The following SLC25A36 variants were observed in gnomAD, a reference collection of about 807,000 sequenced individuals.
SLC25A36 encodes epididymis secretory sperm binding protein.
SLC25A36 carries 24 observed loss-of-function variants against 35.3 expected under a neutral mutation model. The observed-to-expected ratio is 0.68, with a 90% CI of 0.49 to 0.96. The LOEUF (loss-of-function observed/expected upper bound fraction) is 0.96. SLC25A36 is among the 40% of genes least tolerant of loss of function. The probability of loss-of-function intolerance (pLI) is 0.00; values close to 1 mark genes in which losing one functional copy is unlikely to be tolerated. For missense variants in SLC25A36, 294 were observed against 381.1 expected (o/e 0.77, Z 1.90); for synonymous variants, 141 against 132.2 (o/e 1.07, Z -0.46).
chr3:140,947,547 A>G (rs900208285), intron 1 of SLC25A36, among the ~76,000 whole-genome samples: 15 of 152,194 alleles, frequency 9.9e-5, no homozygotes, highest in African/African-American at 3.4e-4. Context: ...ACGAAAACCA[A>G]AAAACACTCT....
At chr3:140,956,171 A>G (rs948317669) in intron 1 of SLC25A36, among the ~76,000 whole-genome samples, 3 of 152,204 alleles carry the variant, frequency 2.0e-5, no homozygotes, top group East Asian at 1.9e-4. Context: ...CTAGATTTTA[A>G]CAGAGCCACA....
rs766884725 is a variant in SLC25A36, at chr3:140,980,196, CTT to C, written c.*3746_*3747del. ...TGCATATCTTCCACAGGTTTATTGA[CTT>C]TTATCCAACACTTTTCATGTTTTAA... is the stretch of plus-strand genomic sequence containing the variant. On this transcript the variant is annotated 3_prime_UTR_variant, in exon 7 of 7. Coordinates refer to ENST00000324194, the MANE Select transcript of SLC25A36 (RefSeq NM_001104647.3). Among the ~76,000 whole-genome samples, 1 of 152,120 alleles carries C rather than the reference CTT, an allele frequency of 6.6e-6. No homozygotes were observed. The highest frequency in any genetic ancestry group is 2.4e-5 in the African/African-American group (1 of 41,414).
chr3:140,952,020 T>TC (rs1491464129), intron 1 of SLC25A36, among the ~76,000 whole-genome samples: 1 of 91,852 alleles, frequency 1.1e-5, no homozygotes, highest in Non-Finnish European at 2.0e-5. Flanking sequence ...TCTTTCTCTC[T>TC]TTTTTTTTTT....
chr3:140,969,762 A>G (rs964565018), intron 4 of SLC25A36, among the ~76,000 whole-genome samples: 2 of 151,928 alleles, frequency 1.3e-5, no homozygotes, highest in African/African-American at 4.8e-5. Flanking sequence ...ATTAATTTAA[A>G]AACAAATTAT....
At chr3:140,962,086 C>T (rs1370009636) in intron 3 of SLC25A36, among the ~76,000 whole-genome samples, 1 of 151,824 alleles carries the variant, frequency 6.6e-6, no homozygotes, top group Non-Finnish European at 1.5e-5. Flanking sequence ...ATTTCATGGC[C>T]ATTTTCTCAT....
At chr3:140,946,072 G>T (rs1305451462) in intron 1 of SLC25A36, among the ~76,000 whole-genome samples, 1 of 152,096 alleles carries the variant, frequency 6.6e-6, no homozygotes, top group Non-Finnish European at 1.5e-5. Context: ...CCTACCACTT[G>T]TCTGGTTGTA....
intron 1 of SLC25A36, among the ~76,000 whole-genome samples, chr3:140,952,349 CTG>C (rs930908366): frequency 2.0e-5 from 3 of 152,078 alleles, no homozygotes; most frequent in Admixed American, 2.0e-4. Context: ...GACAGAGTCA[CTG>C]TGTTGCTTAG....
chr3:140,942,979 G>GTGT (rs1220353910), intron 1 of SLC25A36, among the ~76,000 whole-genome samples: 1 of 152,166 alleles, frequency 6.6e-6, no homozygotes, highest in Non-Finnish European at 1.5e-5. Flanking sequence ...TTTGAAGATA[G>GTGT]TGTTAATAGT....
At chr3:140,962,487 C>T (rs1934654965) in intron 3 of SLC25A36, among the ~76,000 whole-genome samples, 1 of 152,080 alleles carries the variant, frequency 6.6e-6, no homozygotes, top group Admixed American at 6.5e-5. Flanking sequence ...ACATTCTGAC[C>T]TGATGGGTCT....
At chr3:140,965,278 T>G (rs937838178) in intron 4 of SLC25A36, 5 of 151,356 alleles carry the variant, frequency 3.3e-5, no homozygotes, top group Admixed American at 6.6e-5. Context: ...TTACTCGGGG[T>G]TTTTTTTAGG....
intron 1 of SLC25A36, among the ~76,000 whole-genome samples, chr3:140,953,551 T>TC (rs1262960724): frequency 3.9e-5 from 6 of 152,208 alleles, no homozygotes; most frequent in Non-Finnish European, 7.3e-5. Flanking sequence ...CACATATTTT[T>TC]CAAATCAGAT....
chr3:140,942,722 T>G (rs1934049485), intron 1 of SLC25A36: 1 of 152,260 alleles, frequency 6.6e-6, no homozygotes, highest in Non-Finnish European at 1.5e-5. Flanking sequence ...CGGGCTCGGC[T>G]TTGCAAGGTG....
intron 1 of SLC25A36, among the ~76,000 whole-genome samples, chr3:140,946,880 T>C (rs1017077853): frequency 6.6e-6 from 1 of 152,178 alleles, no homozygotes; most frequent in African/African-American, 2.4e-5. Flanking sequence ...ACTAGGGATA[T>C]ATATTTAGTA....
At chr3:140,973,218 A>G (rs1175543786) in intron 5 of SLC25A36, 1 of 152,256 alleles carries the variant, frequency 6.6e-6, no homozygotes, top group African/African-American at 2.4e-5. Context: ...TGGGGTTGAA[A>G]GAGAATCCCT....
At chr3:140,945,984 A>G (rs1934153622) in intron 1 of SLC25A36, among the ~76,000 whole-genome samples, 1 of 152,150 alleles carries the variant, frequency 6.6e-6, no homozygotes, top group African/African-American at 2.4e-5. Context: ...TTTAAAATAG[A>G]CCAGTGGATT....
chr3:140,971,778 T>C (rs1934910586), intron 5 of SLC25A36, among the ~76,000 whole-genome samples: 1 of 152,204 alleles, frequency 6.6e-6, no homozygotes, highest in Admixed American at 6.5e-5. Flanking sequence ...TATGTTACAA[T>C]AATAATGTTA....
chr3:140,956,465 G>GC, intron 1 of SLC25A36, 62 bp from the exon 2 acceptor site: 1 of 1,432,876 alleles, frequency 7.0e-7, no homozygotes, highest in Non-Finnish European at 9.2e-7. Context: ...ACAGCTCTGG[G>GC]CATATATACT....
chr3:140,960,843 G>A (rs1934609470), intron 3 of SLC25A36, among the ~76,000 whole-genome samples: 1 of 152,168 alleles, frequency 6.6e-6, no homozygotes, highest in African/African-American at 2.4e-5. Context: ...AACAACCAAA[G>A]GAACTAGCAG....
chr3:140,957,367 C>G (rs1934505443), intron 2 of SLC25A36, among the ~76,000 whole-genome samples: 1 of 152,178 alleles, frequency 6.6e-6, no homozygotes, highest in Non-Finnish European at 1.5e-5. Context: ...ACCTTTGTTA[C>G]TAAAAGGTTT....
Sources: allele counts gnomAD v4.1 joint callset (sites outside exome capture counted in the v4.1 genomes callset), GRCh38; gene constraint gnomAD v4.1.1; transcripts MANE v1.5; gene names NCBI Gene and HGNC (gene_info 2026-07-23, HGNC 2026-07-21).